The following SHROOM3 variants were observed in gnomAD, a reference collection of about 807,000 sequenced individuals.
SHROOM3 encodes shroom family member 3.
SHROOM3 carries 47 observed loss-of-function variants against 138.6 expected under a neutral mutation model. The observed-to-expected ratio is 0.34, with a 90% CI of 0.27 to 0.43. The LOEUF (loss-of-function observed/expected upper bound fraction) is 0.43. SHROOM3 is among the 20% of genes least tolerant of loss of function. SHROOM3 has a pLI of 1.00. For missense variants in SHROOM3, 2,491 were observed against 2,596.5 expected, an observed-to-expected ratio of 0.96 and a Z score of 0.88; for synonymous variants, 1,062 against 1,063.3, an observed-to-expected ratio of 1.00 and a Z score of 0.02.
chr4:76,634,197 T>A (rs907791059), intron 2 of SHROOM3, among the ~76,000 whole-genome samples: 1 of 152,196 alleles, frequency 6.6e-6, no homozygotes, highest in Non-Finnish European at 1.5e-5. Context: ...GGAAAACAGA[T>A]AATTGATTGA....
At chr4:76,526,465 G>T (rs534244803) in intron 1 of SHROOM3, among the ~76,000 whole-genome samples, 1 of 152,346 alleles carries the variant, frequency 6.6e-6, no homozygotes, top group East Asian at 1.9e-4. Context: ...AAAAGGCAAA[G>T]AGTAAATGGG....
rs371082734 is a variant in SHROOM3, at chr4:76,754,605, G to A, written c.4122G>A (p.Gly1374=). The stretch of plus-strand genomic sequence containing the variant: ...ACTGCTCACAGGACGGTCAGACAGG[G>A]CGACAGCCTCTCCCGCCCTACACCC... The part of the protein sequence containing the change: ...SGYCSQDGQT[G]RQPLPPYTPA... The change falls in exon 7 of 11, where the codon GGG becomes GGA. Residue 1374 remains glycine, a synonymous_variant. Transcript: ENST00000296043. 6.2e-7 allele frequency: 1 copy of A among 1,614,098 alleles called. No homozygotes were observed. Among genetic ancestry groups the A allele is most frequent in the Non-Finnish European group, 8.5e-7 (1 of 1,180,006 alleles).
chr4:76,446,619 C>A (rs1471782513), intron 1 of SHROOM3, among the ~76,000 whole-genome samples: 1 of 152,156 alleles, frequency 6.6e-6, no homozygotes, highest in Non-Finnish European at 1.5e-5. Flanking sequence ...AGGAGAAATA[C>A]TAGACGAACA....
chr4:76,757,731 T>C (rs1721866938), intron 8 of SHROOM3, among the ~76,000 whole-genome samples: 2 of 152,212 alleles, frequency 1.3e-5, no homozygotes, highest in Admixed American at 1.3e-4. Flanking sequence ...GTAACACGTG[T>C]CCCAGTGTGC....
At chr4:76,461,628 G>C (rs1731144661) in intron 1 of SHROOM3, among the ~76,000 whole-genome samples, 1 of 152,234 alleles carries the variant, frequency 6.6e-6, no homozygotes, top group Admixed American at 6.5e-5. Flanking sequence ...ATATGACAGT[G>C]CAGGAGTTGA....
intron 1 of SHROOM3, among the ~76,000 whole-genome samples, chr4:76,521,207 G>C (rs1337790949): frequency 6.6e-6 from 1 of 152,120 alleles, no homozygotes; most frequent in Non-Finnish European, 1.5e-5. Flanking sequence ...AAATATGGTG[G>C]ACAGAAATCT....
intron 2 of SHROOM3, among the ~76,000 whole-genome samples, chr4:76,647,748 T>C (rs1399326852): frequency 1.3e-5 from 2 of 151,790 alleles, no homozygotes; most frequent in Non-Finnish European, 2.9e-5. Context: ...ATACAAAAAT[T>C]AGCTGGATGT....
intron 8 of SHROOM3, chr4:76,757,190 CATT>C (rs1332721865): frequency 2.0e-6 from 1 of 488,966 alleles, no homozygotes. Flanking sequence ...GTGTGTCAAA[CATT>C]GTATTAATTT....
rs58506358 is a variant in SHROOM3, at chr4:76,459,883, C to T, written c.168+23663C>T. ...ACCTGCCAATGGCCTTACAACCTTG[C>T]TACTTCTCAGTTTTTCCTAGCCTCA... On this transcript the variant is annotated intron_variant, in intron 1 of 10. Transcript: ENST00000296043. 5.7e-3 allele frequency among the ~76,000 whole-genome samples: 864 copies of T among 152,276 alleles called. 7 individuals carry two copies. Among genetic ancestry groups the T allele is most frequent in the East Asian group, 0.042 (215 of 5,170 alleles).
At chr4:76,662,099 C>T (rs979741629) in intron 2 of SHROOM3, among the ~76,000 whole-genome samples, 1 of 152,302 alleles carries the variant, frequency 6.6e-6, no homozygotes, top group African/African-American at 2.4e-5. Flanking sequence ...CTCTAGGTCA[C>T]GGCTGTGCAT....
chr4:76,672,282 C>T (rs981890738), intron 2 of SHROOM3, among the ~76,000 whole-genome samples: 4 of 151,990 alleles, frequency 2.6e-5, no homozygotes, highest in African/African-American at 9.7e-5. Flanking sequence ...GTAATATTTT[C>T]GGAGAGAAAA....
At chr4:76,764,255 T>C (rs1395431075) in intron 9 of SHROOM3, among the ~76,000 whole-genome samples, 1 of 152,220 alleles carries the variant, frequency 6.6e-6, no homozygotes, top group Non-Finnish European at 1.5e-5. Flanking sequence ...ACAGTGTAAA[T>C]AATCAGAGCT....
intron 1 of SHROOM3, among the ~76,000 whole-genome samples, chr4:76,518,097 T>C (rs1732480350): frequency 6.6e-6 from 1 of 152,150 alleles, no homozygotes; most frequent in African/African-American, 2.4e-5. Context: ...AATTGCAAGA[T>C]GATTATTTTG....
At chr4:76,761,764 C>T (rs1406311805) in intron 9 of SHROOM3, among the ~76,000 whole-genome samples, 1 of 152,192 alleles carries the variant, frequency 6.6e-6, no homozygotes, top group Admixed American at 6.5e-5. Flanking sequence ...TGAGGAGTTT[C>T]GAGTCATTTG....
intron 3 of SHROOM3, 132 bp from the exon 4 acceptor site, chr4:76,730,672 A>T: frequency 9.2e-7 from 1 of 1,090,082 alleles, no homozygotes; most frequent in South Asian, 1.4e-5. Flanking sequence ...TCTTCTTCTC[A>T]GTATTGACTT....
Position 76,608,532 on chromosome 4 carries a change from TA to T in SHROOM3, c.323+52770del, listed in dbSNP as rs1263284810. Among the ~76,000 whole-genome samples, 37 of 13,996 alleles carry T rather than the reference TA, an allele frequency of 2.6e-3. 1 individual carries two copies. The South Asian group carries it at 0.038, about 14-fold the overall frequency. 9.2% of individuals were successfully genotyped at this position (13,996 alleles called of 152,430 possible). ...TTTGATTGATTGGACAGAGATGGCA[TA>T]GCATAGCATAGCATAGCATAGCATA... On this transcript the variant is annotated intron_variant, in intron 2 of 10. Coordinates refer to ENST00000296043, the MANE Select transcript of SHROOM3 (RefSeq NM_020859.4).
intron 2 of SHROOM3, among the ~76,000 whole-genome samples, chr4:76,596,483 A>G (rs898575909): frequency 2.6e-5 from 4 of 152,034 alleles, no homozygotes; most frequent in Admixed American, 6.6e-5. Flanking sequence ...TGTTTGTATG[A>G]TGAAATTGCC....
chr4:76,473,451 T>C (rs1731420461), intron 1 of SHROOM3, among the ~76,000 whole-genome samples: 1 of 151,504 alleles, frequency 6.6e-6, no homozygotes, highest in South Asian at 2.1e-4. Flanking sequence ...CTATGAAAAA[T>C]TTTAAAAATT....
At chr4:76,766,950 C>G (rs937133906) in intron 9 of SHROOM3, among the ~76,000 whole-genome samples, 1 of 152,148 alleles carries the variant, frequency 6.6e-6, no homozygotes, top group Non-Finnish European at 1.5e-5. Flanking sequence ...TCCACAGAAG[C>G]CTCCCTGCAT....
Sources: gnomAD v4.1 joint callset for allele counts (sites outside exome capture counted in the v4.1 genomes callset) on GRCh38, gnomAD v4.1.1 for gene constraint, MANE v1.5 for transcripts, NCBI Gene and HGNC (gene_info 2026-07-23, HGNC 2026-07-21) for gene names.